Variants in PDE1A observed in about 807,000 individuals in gnomAD.
The protein encoded by PDE1A is phosphodiesterase 1A.
A neutral mutation model predicts 61.7 loss-of-function variants in PDE1A; 35 were observed. That is an observed-to-expected ratio of 0.57 (90% CI 0.43 to 0.75). PDE1A has a LOEUF of 0.75. PDE1A is among the 30% of genes least tolerant of loss of function. The pLI, the probability that PDE1A is intolerant of heterozygous loss-of-function variation, is 0.00. For synonymous variants in PDE1A, 232 were observed against 213.2 expected, an observed-to-expected ratio of 1.09 and a Z score of -0.77; for missense variants, 597 against 630.6, an observed-to-expected ratio of 0.95 and a Z score of 0.57.
In PDE1A at chr2:182,155,474, A is replaced by G. The variant is rs147812179; in HGVS notation, c.1517-8322T>C. 4.7e-3 allele frequency among the ~76,000 whole-genome samples: 722 copies of G among 152,274 alleles called. 1 individual carries two copies. The highest frequency in any genetic ancestry group is 0.017 in the Middle Eastern group (5 of 294). ...ATTTTAAATTCTTCTATCTGACTAA[A>G]TATGGACTAGATATATACATGTAGG... is the stretch of plus-strand genomic sequence containing the variant. On this transcript the variant is annotated intron_variant, in intron 13 of 13. Coordinates refer to the PDE1A transcript ENST00000409365.
At chr2:182,464,364 G>C (rs904523236) in intron 2 of PDE1A, among the ~76,000 whole-genome samples, 1 of 152,102 alleles carries the variant, frequency 6.6e-6, no homozygotes, top group Non-Finnish European at 1.5e-5. Flanking sequence ...GCAGCGATGA[G>C]TGAAAATTTA....
chr2:182,237,681 T>C (rs942181084), intron 3 of PDE1A, among the ~76,000 whole-genome samples: 15 of 152,070 alleles, frequency 9.9e-5, no homozygotes, highest in African/African-American at 3.6e-4. Context: ...AACCACTGGC[T>C]GGGGGCAGCA....
intron 2 of PDE1A, among the ~76,000 whole-genome samples, chr2:182,457,125 G>A (rs935341106): frequency 1.3e-5 from 2 of 152,148 alleles, no homozygotes; most frequent in South Asian, 2.1e-4. Flanking sequence ...GTTTCCAGGC[G>A]AGGTGTGCTC....
chr2:182,239,067 T>G (rs1690290865), intron 3 of PDE1A, among the ~76,000 whole-genome samples: 1 of 152,218 alleles, frequency 6.6e-6, no homozygotes, highest in Admixed American at 6.5e-5. Flanking sequence ...TTCTTTAAAT[T>G]GCACAGTGTA....
chr2:182,649,964 A>G, the PDE1A span, among the ~76,000 whole-genome samples: 1 of 152,066 alleles, frequency 6.6e-6, no homozygotes, highest in African/African-American at 2.4e-5. Context: ...TTGTAGTCTC[A>G]GCTACTCGGA....
At chr2:182,423,356 G>T (rs1703400638) in intron 1 of PDE1A, among the ~76,000 whole-genome samples, 1 of 152,036 alleles carries the variant, frequency 6.6e-6, no homozygotes, top group Non-Finnish European at 1.5e-5. Flanking sequence ...TACTGTAGGA[G>T]CCCCAGACAT....
intron 1 of PDE1A, among the ~76,000 whole-genome samples, chr2:182,273,303 C>G (rs759879132): frequency 1.3e-5 from 2 of 151,876 alleles, no homozygotes; most frequent in African/African-American, 4.8e-5. Context: ...CTGACCATGA[C>G]AAATTTAAAA....
chr2:182,567,075 AT>A, the PDE1A span, among the ~76,000 whole-genome samples: 1 of 152,194 alleles, frequency 6.6e-6, no homozygotes, highest in African/African-American at 2.4e-5. Context: ...TAGTTATAAC[AT>A]TTTTTAAATG....
At chr2:182,687,249 T>C in the PDE1A span, among the ~76,000 whole-genome samples, 1 of 152,222 alleles carries the variant, frequency 6.6e-6, no homozygotes, top group African/African-American at 2.4e-5. Flanking sequence ...AGTGGGTCCC[T>C]GACCCCCAAG....
intron 7 of PDE1A, among the ~76,000 whole-genome samples, chr2:182,214,193 A>ACTT (rs1446985502): frequency 6.6e-6 from 1 of 151,630 alleles, no homozygotes; most frequent in Non-Finnish European, 1.5e-5. Context: ...GAAATAAAAT[A>ACTT]CTTTACAGAC....
intron 2 of PDE1A, among the ~76,000 whole-genome samples, chr2:182,462,542 GA>G (rs1245736429): frequency 1.3e-5 from 2 of 151,188 alleles, no homozygotes; most frequent in Non-Finnish European, 3.0e-5. Flanking sequence ...ATGAAGAAGG[GA>G]AAAAAAAGGA....
At chr2:182,477,811 GC>G (rs1168990987) in intron 2 of PDE1A, among the ~76,000 whole-genome samples, 2 of 151,926 alleles carry the variant, frequency 1.3e-5, no homozygotes, top group East Asian at 3.9e-4. Flanking sequence ...AAAGCCCAGA[GC>G]CCTTTCATGC....
At chr2:182,598,294 G>A in the PDE1A span, among the ~76,000 whole-genome samples, 74 of 152,242 alleles carry the variant, frequency 4.9e-4, no homozygotes, top group African/African-American at 1.4e-3. Context: ...GTTCTCAACC[G>A]GGCACAGTGG....
chr2:182,417,259 A>T (rs536517222), intron 1 of PDE1A, among the ~76,000 whole-genome samples: 7 of 152,326 alleles, frequency 4.6e-5, no homozygotes, highest in African/African-American at 1.4e-4. Context: ...TGCCTGTCAG[A>T]ATCCTATTCA....
chr2:182,501,748 C>T (rs1175348454), intron 2 of PDE1A, among the ~76,000 whole-genome samples: 1 of 152,134 alleles, frequency 6.6e-6, no homozygotes, highest in Non-Finnish European at 1.5e-5. Context: ...CCACTTTCTC[C>T]CTGTCCATAC....
chr2:182,350,590 T>C (rs1698816083), intron 1 of PDE1A, among the ~76,000 whole-genome samples: 1 of 152,156 alleles, frequency 6.6e-6, no homozygotes, highest in Admixed American at 6.5e-5. Context: ...CTTTCTTCCA[T>C]GATGTTTTTC....
At chr2:182,483,631 A>C (rs1217073439) in intron 2 of PDE1A, among the ~76,000 whole-genome samples, 1 of 151,962 alleles carries the variant, frequency 6.6e-6, no homozygotes, top group African/African-American at 2.4e-5. Context: ...AATGTATGAG[A>C]TATACCTAAA....
At chr2:182,588,346 T>G in the PDE1A span, among the ~76,000 whole-genome samples, 1 of 152,250 alleles carries the variant, frequency 6.6e-6, no homozygotes, top group Non-Finnish European at 1.5e-5. Context: ...AAGTGATTCT[T>G]GTCCATTGAT....
At chr2:182,419,748 T>C (rs1172815845) in intron 1 of PDE1A, among the ~76,000 whole-genome samples, 1 of 152,188 alleles carries the variant, frequency 6.6e-6, no homozygotes, top group East Asian at 1.9e-4. Context: ...AGTGTTTTAG[T>C]GTTTTTTAAA....
Sources: allele counts gnomAD v4.1 joint callset (sites outside exome capture counted in the v4.1 genomes callset), GRCh38; gene constraint gnomAD v4.1.1; transcripts MANE v1.5; gene names NCBI Gene and HGNC (gene_info 2026-07-23, HGNC 2026-07-21).